Variants in LAMA5 observed in about 807,000 individuals in gnomAD.
The protein encoded by LAMA5 is laminin subunit alpha 5.
A neutral mutation model predicts 433.4 loss-of-function variants in LAMA5; 260 were observed. The ratio of observed to expected loss-of-function variants is 0.60; its 90% CI spans 0.54 to 0.66. The LOEUF (loss-of-function observed/expected upper bound fraction) is 0.66, where lower values mean the gene tolerates loss of function less well. LAMA5 is among the 30% of genes least tolerant of loss of function. The probability of loss-of-function intolerance (pLI) is 0.00; values close to 1 mark genes in which losing one functional copy is unlikely to be tolerated. For synonymous variants in LAMA5, 2,620 were observed against 2,226.6 expected (o/e 1.18, Z -4.97); for missense variants, 5,378 against 5,258.5 (o/e 1.02, Z -0.70).
rs1568915502 is a variant in LAMA5, at chr20:62,320,641, C to CG, written c.6676dup (p.Arg2226ProfsTer3). On this transcript the variant is annotated frameshift_variant, in exon 50 of 80. Coordinates refer to ENST00000252999, the MANE Select transcript of LAMA5 (RefSeq NM_005560.6). LOFTEE classifies it high-confidence loss of function. ...CTCCAGCTGCTGTGCCGTCTCATGG[C>CG]GGGGGCCCAGGGGGCTCCGGAGCTG... 5.0e-6 allele frequency: 8 copies of CG among 1,606,842 alleles called. No individual in the cohort carries two copies. Among genetic ancestry groups the CG allele is most frequent in the Non-Finnish European group, 6.8e-6 (8 of 1,177,838 alleles).
intron 64 of LAMA5, 35 bp downstream of exon 64, chr20:62,313,292 G>GGTGGGTGGA: frequency 6.5e-7 from 1 of 1,540,250 alleles, no homozygotes; most frequent in Non-Finnish European, 8.8e-7. Flanking sequence ...GGTGGGGTGG[G>GGTGGGTGGA]GTGGGTGGAG....
Position 62,367,098 on chromosome 20 carries a change from A to G in LAMA5, c.148T>C (p.Phe50Leu), listed in dbSNP as rs1015355143. The G allele has an allele frequency of 4.9e-5, 63 of 1,278,358 alleles. No homozygotes were observed. The highest frequency in any genetic ancestry group is 5.9e-5 in the Non-Finnish European group (60 of 1,015,790). 79.2% of individuals were successfully genotyped at this position (1,278,358 alleles called of 1,614,324 possible). A position where few individuals can be genotyped will look rare whatever the true frequency, so the allele number is the denominator to read the frequency against. The change falls in exon 1 of 80, where the codon TTC becomes CTC. Residue 50 changes from phenylalanine to leucine, a missense_variant. Transcript: ENST00000252999. ...GGGFSLHPPYFNLAEGARIAA... is the reference protein window; with the variant it reads ...GGGFSLHPPYLNLAEGARIAA... ...ATGCGGGCGCCCTCGGCCAGGTTGAAGTAGGGCGGGTGCAGGCTGAAGCCG... is the reference window on the plus strand; with the variant it reads ...ATGCGGGCGCCCTCGGCCAGGTTGAGGTAGGGCGGGTGCAGGCTGAAGCCG...
chr20:62,358,555 C>T (rs1171755002), intron 2 of LAMA5, among the ~76,000 whole-genome samples: 3 of 152,188 alleles, frequency 2.0e-5, no homozygotes, highest in African/African-American at 4.8e-5. Context: ...GGGCCCAAGC[C>T]GGCCAGCCAG....
rs1202408532 is a variant in LAMA5 at position 62,314,911 on chromosome 20, G to C, written c.8084C>G (p.Ala2695Gly). The change falls in exon 60 of 80, where the codon GCC becomes GGC. Residue 2695 changes from alanine to glycine, a missense_variant. Coordinates refer to ENST00000252999, the MANE Select transcript of LAMA5 (RefSeq NM_005560.6). ...ACGGTTCTCCAGGATGCTCAGCTTGGCCAGCAGCTGGGGCAGCGTCTTCTC... is the reference window on the plus strand; with the variant it reads ...ACGGTTCTCCAGGATGCTCAGCTTGCCCAGCAGCTGGGGCAGCGTCTTCTC... ...TLEKTLPQLLAKLSILENRGV... is the reference protein window; with the variant it reads ...TLEKTLPQLLGKLSILENRGV... 9 of 1,608,184 alleles carry C rather than the reference G, an allele frequency of 5.6e-6. No homozygotes were observed. Among genetic ancestry groups the C allele is most frequent in the Non-Finnish European group, 7.6e-6 (9 of 1,179,000 alleles).
Position 62,312,263 on chromosome 20 carries a change from C to G in LAMA5, c.9414G>C (p.Ser3138=), listed in dbSNP as rs756615964. 1.2e-6 allele frequency: 2 copies of G among 1,611,078 alleles called. No individual in the cohort carries two copies. Among genetic ancestry groups the G allele is most frequent in the Non-Finnish European group, 1.7e-6 (2 of 1,179,386 alleles). The change falls in exon 69 of 80, where the codon TCG becomes TCC. Residue 3138 remains serine, a synonymous_variant. Coordinates refer to ENST00000252999, the MANE Select transcript of LAMA5 (RefSeq NM_005560.6). ...CGTTGCCAGTGAGCGGTGCCACGTT[C>G]GAGAGCGCCAGGCGAAGGAAGCCGT... The part of the protein sequence containing the change: ...HGHGFLRLAL[S]NVAPLTGNVY...
chr20:62,344,774 C>T (rs1162328944), intron 11 of LAMA5, among the ~76,000 whole-genome samples: 1 of 150,844 alleles, frequency 6.6e-6, no homozygotes, highest in Non-Finnish European at 1.5e-5. Context: ...CTTAATAATG[C>T]TTTATCACAG....
At position 62,318,449 on chromosome 20, in the gene LAMA5, C is replaced by A; in HGVS notation, c.7239+5G>T. On this transcript the variant is annotated splice_donor_5th_base_variant and intron_variant, in intron 53 of 79. Coordinates refer to ENST00000252999, the MANE Select transcript of LAMA5 (RefSeq NM_005560.6). ...CAGGAGGAAGAACAAGTCCGGGGTC[C>A]TCACCAGGGCTTCCTCCAGGCGCTC... 1 of 1,587,248 alleles carries A rather than the reference C, an allele frequency of 6.3e-7. No individual in the cohort carries two copies. The highest frequency in any genetic ancestry group is 8.5e-7 in the Non-Finnish European group (1 of 1,171,388).
Position 62,318,440 on chromosome 20 carries a change from T to G in LAMA5, c.7239+14A>C. Reference sequence around the variant, plus strand: ...GAAGAGGAGCAGGAGGAAGAACAAGTCCGGGGTCCTCACCAGGGCTTCCTC... The same window carrying G: ...GAAGAGGAGCAGGAGGAAGAACAAGGCCGGGGTCCTCACCAGGGCTTCCTC... On this transcript the variant is annotated intron_variant, in intron 53 of 79. Transcript: ENST00000252999. 6.3e-7 allele frequency: 1 copy of G among 1,586,820 alleles called. No homozygotes were observed. Among genetic ancestry groups the G allele is most frequent in the Non-Finnish European group, 8.5e-7 (1 of 1,171,720 alleles).
At chr20:62,349,270 C>CAAAAAAAA in intron 6 of LAMA5, among the ~76,000 whole-genome samples, 9 of 46,596 alleles carry the variant, frequency 1.9e-4, no homozygotes, top group Non-Finnish European at 2.7e-4. Flanking sequence ...GACTCCATCT[C>CAAAAAAAA]AAAAAAAAAA....
chr20:62,338,716 C>G (rs1423869092), intron 11 of LAMA5, 108 bp from the exon 12 acceptor site: 87 of 1,119,512 alleles, frequency 7.8e-5, no homozygotes, highest in Non-Finnish European at 1.1e-4. Context: ...CACTTTTACA[C>G]AACACTAACT....
At chr20:62,352,478 G>T in intron 3 of LAMA5, 118 bp from the exon 4 acceptor site, 1 of 751,500 alleles carries the variant, frequency 1.3e-6, no homozygotes, top group Non-Finnish European at 2.2e-6. Context: ...AGGCCAAGAG[G>T]CCGCGTGACA....
intron 3 of LAMA5, among the ~76,000 whole-genome samples, 179 bp from the exon 4 acceptor site, chr20:62,352,539 C>T (rs1163129880): frequency 2.0e-5 from 3 of 152,112 alleles, no homozygotes; most frequent in African/African-American, 7.2e-5. Context: ...ACTGCACTGC[C>T]CCCCACCGCT....
chr20:62,329,869 G>C lies in LAMA5; in HGVS notation c.4027C>G (p.Leu1343Val). Residue 1343 changes from leucine to valine, a missense_variant, in exon 32 of 80, where the codon CTG (leucine) becomes GTG (valine). By Grantham distance (32) the Leu-to-Val change is conservative. Transcript: ENST00000252999. The part of the protein sequence containing the change: ...FCPHGYGCRT[L>V]VVCEGQALLD... ...AGGGCCTGGCCCTCACACACCACCA[G>C]GGTGCGGCAGCCGTAGCCATGTGGA... The C allele has an allele frequency of 6.2e-7, 1 of 1,611,504 alleles. No homozygotes were observed. Among genetic ancestry groups the C allele is most frequent in the Non-Finnish European group, 8.5e-7 (1 of 1,179,678 alleles).
rs1985745938 is a variant in LAMA5 at position 62,309,078 on chromosome 20, A to ACTT, written c.*255_*257dup. The ACTT allele has an allele frequency of 4.9e-6, 3 of 608,362 alleles. No homozygotes were observed. Among genetic ancestry groups the ACTT allele is most frequent in the Admixed American group, 6.8e-5 (2 of 29,438 alleles). The allele number at this position is 608,362 out of a possible 1,614,324, so 37.7% of individuals were successfully genotyped here. A position where few individuals can be genotyped will look rare whatever the true frequency, so the allele number is the denominator to read the frequency against. On this transcript the variant is annotated 3_prime_UTR_variant, in exon 80 of 80. Transcript: ENST00000252999. ...ACATTCATTCGGTTACACAGAAGTT[A>ACTT]CTTTTTAATTTTTAAGGAGGAACCA...
At chr20:62,360,916 C>T (rs879611117) in intron 2 of LAMA5, among the ~76,000 whole-genome samples, 2 of 152,090 alleles carry the variant, frequency 1.3e-5, no homozygotes, top group Admixed American at 6.5e-5. Flanking sequence ...CTCGTGGGTC[C>T]GAGTGTCAGT....
At chr20:62,314,771 T>A (rs1415561957) in intron 60 of LAMA5, 28 bp downstream of exon 60, 2 of 1,612,672 alleles carry the variant, frequency 1.2e-6, no homozygotes, top group African/African-American at 1.3e-5. Flanking sequence ...CTCCCTGATG[T>A]CCACCTTCCC....
chr20:62,347,147 G>A, intron 6 of LAMA5, 119 bp from the exon 7 acceptor site: 1 of 696,446 alleles, frequency 1.4e-6, no homozygotes, highest in South Asian at 1.7e-5. Flanking sequence ...CATGGACACG[G>A]CCCCCCGCTG....
intron 55 of LAMA5, 151 bp downstream of exon 55, chr20:62,317,194 G>A (rs1045250905): frequency 8.7e-7 from 1 of 1,149,288 alleles, no homozygotes; most frequent in Non-Finnish European, 1.2e-6. Context: ...GTCACTCTGG[G>A]CCCCAGCTTG....
Position 62,332,926 on chromosome 20 carries a change from T to TGCAGGAGGCAGGAG in LAMA5, c.3282+150_3282+163dup, listed in dbSNP as rs143316001. Reference sequence around the variant, plus strand: ...TACAGACAGGCACTGAGGTCACACATGCAGGAGGCAGGAGGCAGGAGGCAG... The same window carrying TGCAGGAGGCAGGAG: ...TACAGACAGGCACTGAGGTCACACATGCAGGAGGCAGGAGGCAGGAGGCAGGAGGCAGGAGGCAG... On this transcript the variant is annotated intron_variant, in intron 26 of 79. Coordinates refer to ENST00000252999, the MANE Select transcript of LAMA5 (RefSeq NM_005560.6). Among the ~76,000 whole-genome samples, 14,254 of 150,798 alleles carry TGCAGGAGGCAGGAG rather than the reference T, an allele frequency of 0.095. 1,009 individuals carry two copies. The highest frequency in any genetic ancestry group is 0.18 in the African/African-American group (7,212 of 41,088).
Sources: allele counts gnomAD v4.1 joint callset (sites outside exome capture counted in the v4.1 genomes callset), GRCh38; gene constraint gnomAD v4.1.1; transcripts MANE v1.5; gene names NCBI Gene and HGNC (gene_info 2026-07-23, HGNC 2026-07-21).